WWP2: variants seen among roughly 807,000 people sequenced by gnomAD.
WWP2 encodes the protein NEDD4-like E3 ubiquitin-protein ligase WWP2.
In WWP2, 57 loss-of-function variants were observed where a neutral mutation model predicts 121.0. The ratio of observed to expected loss-of-function variants is 0.47; its 90% CI spans 0.38 to 0.59. WWP2 has a LOEUF of 0.59. WWP2 is among the 20% of genes least tolerant of loss of function. WWP2 has a pLI of 0.00. For synonymous variants in WWP2, 449 were observed against 441.3 expected, an observed-to-expected ratio of 1.02 and a Z score of -0.22; for missense variants, 962 against 1,158.9, an observed-to-expected ratio of 0.83 and a Z score of 2.47.
intron 10 of WWP2, chr16:69,924,928 A>G: frequency 2.0e-6 from 2 of 986,228 alleles, no homozygotes; most frequent in South Asian, 9.4e-5. Flanking sequence ...CCAGCCAGGA[A>G]GCTCTGGGCG....
At chr16:69,792,482 T>G (rs907683296) in intron 2 of WWP2, among the ~76,000 whole-genome samples, 2 of 152,210 alleles carry the variant, frequency 1.3e-5, no homozygotes, top group African/African-American at 4.8e-5. Flanking sequence ...GAAAGAGACT[T>G]TCTAGATAAA....
chr16:69,785,062 C>A (rs998860469), intron 1 of WWP2, among the ~76,000 whole-genome samples: 1 of 151,908 alleles, frequency 6.6e-6, no homozygotes, highest in East Asian at 1.9e-4. Flanking sequence ...ATGGCGAAAC[C>A]CCATCTCTAC....
At chr16:69,791,648 A>G (rs2055913408) in intron 2 of WWP2, among the ~76,000 whole-genome samples, 1 of 152,192 alleles carries the variant, frequency 6.6e-6, no homozygotes, top group South Asian at 2.1e-4. Flanking sequence ...CCTCCTGAGT[A>G]GCTAGGACTT....
At chr16:69,860,567 C>T (rs963101013) in intron 6 of WWP2, among the ~76,000 whole-genome samples, 1 of 152,146 alleles carries the variant, frequency 6.6e-6, no homozygotes, top group African/African-American at 2.4e-5. Flanking sequence ...AAGAGAATGC[C>T]GGGCAAGTAG....
chr16:69,846,049 C>CAAAAAAAAAAAAAAAAAAAAAAAAAACA (rs57201672), intron 6 of WWP2, among the ~76,000 whole-genome samples: 1 of 45,604 alleles, frequency 2.2e-5, no homozygotes, highest in Non-Finnish European at 3.6e-5. Flanking sequence ...GACTCCATCT[C>CAAAAAAAAAAAAAAAAAAAAAAAAAACA]AAAAAAAAAA....
At chr16:69,826,724 A>G (rs1414611001) in intron 4 of WWP2, among the ~76,000 whole-genome samples, 1 of 4,152 alleles carries the variant, frequency 2.4e-4, no homozygotes, top group Non-Finnish European at 8.5e-4. Context: ...ATAAAAATAC[A>G]AAAAAAAAAA....
intron 4 of WWP2, among the ~76,000 whole-genome samples, chr16:69,809,377 A>G (rs1425958627): frequency 1.3e-5 from 2 of 152,186 alleles, no homozygotes; most frequent in African/African-American, 2.4e-5. Context: ...GATGGACCAC[A>G]GAGACCCTGT....
At chr16:69,790,494 C>T (rs1567666716) in intron 2 of WWP2, among the ~76,000 whole-genome samples, 1 of 152,026 alleles carries the variant, frequency 6.6e-6, no homozygotes, top group Non-Finnish European at 1.5e-5. Flanking sequence ...GTGGCAAAGG[C>T]AGGAGAAAAT....
chr16:69,902,465 A>C (rs2058220057), intron 8 of WWP2, among the ~76,000 whole-genome samples: 1 of 152,198 alleles, frequency 6.6e-6, no homozygotes, highest in South Asian at 2.1e-4. Flanking sequence ...CGTGTAGTCC[A>C]TGATCCAACC....
chr16:69,867,140 C>CTT (rs11287046), intron 6 of WWP2, among the ~76,000 whole-genome samples: 52 of 132,638 alleles, frequency 3.9e-4, no homozygotes, highest in South Asian at 7.4e-4. Flanking sequence ...CTGGCCAAGG[C>CTT]TTTTTTTTTT....
At chr16:69,784,139 G>T (rs113030950) in intron 1 of WWP2, among the ~76,000 whole-genome samples, 9 of 117,484 alleles carry the variant, frequency 7.7e-5, no homozygotes, top group African/African-American at 2.7e-4. Flanking sequence ...TGCTGTCATC[G>T]CCCGGGCTGG....
intron 4 of WWP2, among the ~76,000 whole-genome samples, chr16:69,824,108 C>T (rs2056640915): frequency 6.6e-6 from 1 of 152,248 alleles, no homozygotes; most frequent in South Asian, 2.1e-4. Flanking sequence ...CTCTGCTCCG[C>T]ACCAGTCATT....
chr16:69,940,729 C>A lies in WWP2; in HGVS notation c.*789C>A, dbSNP rs76061922. On this transcript the variant is annotated 3_prime_UTR_variant, in exon 24 of 24. Coordinates refer to ENST00000359154, the MANE Select transcript of WWP2 (RefSeq NM_001270454.2). Reference sequence around the variant, plus strand: ...GTTCTGAGACCTTGAGGGACCCAGACCTTTGGGTCCAAGAGTTTCCCAAAC... The same window carrying A: ...GTTCTGAGACCTTGAGGGACCCAGAACTTTGGGTCCAAGAGTTTCCCAAAC... The A allele has an allele frequency of 0.027, 4,073 of 152,574 alleles. 84 individuals carry two copies. The highest frequency in any genetic ancestry group is 0.084 in the Middle Eastern group (25 of 296). 9.5% of individuals were successfully genotyped at this position (152,574 alleles called of 1,614,324 possible). A position where few individuals can be genotyped will look rare whatever the true frequency, so the allele number is the denominator to read the frequency against.
In WWP2 at chr16:69,940,089, C is replaced by G; in HGVS notation, c.*149C>G. ...TGTCATCTCGCTGCTGGCAGAAAAG[C>G]CTGATCCCAGGAGGCCCTGCAGTTC... On this transcript the variant is annotated 3_prime_UTR_variant, in exon 24 of 24. Coordinates refer to ENST00000359154, the MANE Select transcript of WWP2 (RefSeq NM_001270454.2). The G allele has an allele frequency of 1.5e-6, 1 of 663,644 alleles. No individual in the cohort carries two copies. The highest frequency in any genetic ancestry group is 2.5e-6 in the Non-Finnish European group (1 of 395,752). 41.1% of individuals were successfully genotyped at this position (663,644 alleles called of 1,614,324 possible). A position where few individuals can be genotyped will look rare whatever the true frequency, so the allele number is the denominator to read the frequency against.
Position 69,937,693 on chromosome 16 carries a change from A to G in WWP2, c.2343+41A>G, listed in dbSNP as rs936818977. The G allele has an allele frequency of 1.2e-6, 2 of 1,605,782 alleles. No homozygotes were observed. Among genetic ancestry groups the G allele is most frequent in the East Asian group, 2.2e-5 (1 of 44,724 alleles). ...AGGCCTTGGCAGGGACATTTGGGCC[A>G]TCAACCAAAGGAAACGGGTCCTGAG... On this transcript the variant is annotated intron_variant, in intron 21 of 23. Coordinates refer to ENST00000359154, the MANE Select transcript of WWP2 (RefSeq NM_001270454.2). The surrounding 1 kb of genome is among the most constrained non-coding windows in gnomAD (Gnocchi z 6.6).
At chr16:69,908,114 G>A (rs564824481) in intron 8 of WWP2, among the ~76,000 whole-genome samples, 2 of 152,216 alleles carry the variant, frequency 1.3e-5, no homozygotes, top group Admixed American at 1.3e-4. Context: ...GCATCGTAAT[G>A]TGTGCCTGTA....
chr16:69,790,627 G>T (rs1232902093), intron 2 of WWP2, among the ~76,000 whole-genome samples: 1 of 152,164 alleles, frequency 6.6e-6, no homozygotes, highest in Non-Finnish European at 1.5e-5. Flanking sequence ...CCAGGCGGGG[G>T]TGCAGTGGTG....
chr16:69,931,432 A>G (rs1009781015), intron 14 of WWP2, 77 bp from the exon 15 acceptor site: 6 of 1,574,590 alleles, frequency 3.8e-6, no homozygotes, highest in African/African-American at 1.4e-5. Context: ...AGGCTGGGGA[A>G]TGCCTGTTCA....
intron 4 of WWP2, among the ~76,000 whole-genome samples, chr16:69,809,518 G>T (rs1346435240): frequency 6.6e-6 from 1 of 152,052 alleles, no homozygotes. Flanking sequence ...TGTAATCCCA[G>T]CACTTTGGGA....
Sources: allele counts gnomAD v4.1 joint callset (sites outside exome capture counted in the v4.1 genomes callset), GRCh38; gene constraint gnomAD v4.1.1; non-coding constraint Gnocchi (gnomAD v3.1); transcripts MANE v1.5; gene names NCBI Gene and HGNC (gene_info 2026-07-23, HGNC 2026-07-21).